MAST4: variants seen among roughly 807,000 people sequenced by gnomAD.
MAST4 encodes the protein microtubule associated serine/threonine kinase family member 4.
MAST4 carries 89 observed loss-of-function variants against 162.7 expected under a neutral mutation model. That is an observed-to-expected ratio of 0.55 (90% CI 0.46 to 0.65). The LOEUF is 0.65. Ranked by LOEUF, MAST4 falls within the 30% of genes least tolerant of loss-of-function variation. The probability of loss-of-function intolerance (pLI) is 0.00; values close to 1 mark genes in which losing one functional copy is unlikely to be tolerated. For missense variants in MAST4, 3,153 were observed against 3,374.0 expected, an observed-to-expected ratio of 0.93 and a Z score of 1.62; for synonymous variants, 1,479 against 1,361.1, an observed-to-expected ratio of 1.09 and a Z score of -1.91.
intron 3 of MAST4, among the ~76,000 whole-genome samples, chr5:66,853,157 G>T (rs1759438383): frequency 6.6e-6 from 1 of 152,210 alleles, no homozygotes; most frequent in Non-Finnish European, 1.5e-5. Context: ...TTCAAGTCAT[G>T]TTAGTTAAAG....
chr5:67,119,166 T>C (rs962042862), intron 13 of MAST4, among the ~76,000 whole-genome samples: 3 of 151,946 alleles, frequency 2.0e-5, no homozygotes, highest in Non-Finnish European at 4.4e-5. Flanking sequence ...CAATGGGAAA[T>C]GACTGAACTT....
intron 3 of MAST4, among the ~76,000 whole-genome samples, chr5:66,840,187 A>G (rs770744643): frequency 1.3e-5 from 2 of 152,140 alleles, no homozygotes; most frequent in African/African-American, 2.4e-5. Context: ...TTTAAAATGA[A>G]AATTTTTTAG....
chr5:67,088,282 A>G (rs1317758338), intron 5 of MAST4, among the ~76,000 whole-genome samples: 1 of 152,176 alleles, frequency 6.6e-6, no homozygotes, highest in Non-Finnish European at 1.5e-5. Context: ...GCCAGGTTTC[A>G]TTGGCCTTAT....
At chr5:66,685,735 T>C (rs1443184487) in intron 1 of MAST4, among the ~76,000 whole-genome samples, 1 of 152,150 alleles carries the variant, frequency 6.6e-6, no homozygotes, top group Non-Finnish European at 1.5e-5. Context: ...TGCTTTCTAC[T>C]AAAGTTTGCT....
chr5:66,619,768 T>A (rs1284341784), intron 1 of MAST4, among the ~76,000 whole-genome samples: 3 of 152,088 alleles, frequency 2.0e-5, no homozygotes, highest in Non-Finnish European at 4.4e-5. Flanking sequence ...TACTCATATA[T>A]CTGGAAATAA....
intron 3 of MAST4, among the ~76,000 whole-genome samples, chr5:66,845,387 C>T (rs894668854): frequency 2.9e-4 from 44 of 151,628 alleles, no homozygotes; most frequent in Admixed American, 5.9e-4. Context: ...TTTGTCCTTG[C>T]GATAGTTTGC....
At chr5:67,056,316 C>G (rs2150568394) in intron 5 of MAST4, among the ~76,000 whole-genome samples, 1 of 152,214 alleles carries the variant, frequency 6.6e-6, no homozygotes, top group South Asian at 2.1e-4. Flanking sequence ...TACAGAGGGT[C>G]AAACAGTGCC....
intron 26 of MAST4, among the ~76,000 whole-genome samples, chr5:67,154,619 C>T (rs1772262648): frequency 6.6e-6 from 1 of 152,202 alleles, no homozygotes; most frequent in Admixed American, 6.5e-5. Flanking sequence ...GAGCACCTTG[C>T]ACAACCCAAA....
intron 4 of MAST4, among the ~76,000 whole-genome samples, chr5:67,039,759 T>C (rs955677873): frequency 1.2e-4 from 18 of 152,178 alleles, no homozygotes; most frequent in African/African-American, 3.9e-4. Context: ...GAGGCCTCTT[T>C]CTACACACAG....
chr5:66,754,013 A>C (rs1394987329), intron 1 of MAST4, among the ~76,000 whole-genome samples: 2 of 151,846 alleles, frequency 1.3e-5, no homozygotes, highest in African/African-American at 4.8e-5. Context: ...AAATCAATAA[A>C]TGTAATCCAT....
intron 6 of MAST4, among the ~76,000 whole-genome samples, chr5:67,091,789 C>T (rs549556503): frequency 8.0e-4 from 122 of 152,048 alleles, no homozygotes; most frequent in African/African-American, 2.9e-3. Context: ...GGTTTCCATG[C>T]TATTAAAAAA....
intron 4 of MAST4, among the ~76,000 whole-genome samples, chr5:67,010,781 T>G (rs923903611): frequency 4.6e-5 from 7 of 151,808 alleles, no homozygotes; most frequent in African/African-American, 1.7e-4. Flanking sequence ...GAAGTGAAGG[T>G]GTGTGTTGCA....
At chr5:66,690,803 C>T (rs1226045951) in intron 1 of MAST4, among the ~76,000 whole-genome samples, 4 of 152,172 alleles carry the variant, frequency 2.6e-5, no homozygotes, top group Non-Finnish European at 4.4e-5. Flanking sequence ...AACCTCATTC[C>T]TGTTCTTCCG....
At chr5:67,089,984 C>T (rs1763648493) in intron 5 of MAST4, among the ~76,000 whole-genome samples, 178 bp from the exon 6 acceptor site, 1 of 152,044 alleles carries the variant, frequency 6.6e-6, no homozygotes, top group African/African-American at 2.4e-5. Context: ...GCTCCCCCAT[C>T]CCCATCTCCT....
At chr5:66,957,746 A>G (rs993624529) in intron 4 of MAST4, among the ~76,000 whole-genome samples, 56 of 152,218 alleles carry the variant, frequency 3.7e-4, no homozygotes, top group African/African-American at 1.2e-3. Context: ...ACCTTTGTGG[A>G]GTTAGAAACA....
Position 67,051,831 on chromosome 5 carries a change from A to G in MAST4, c.675-2573A>G, listed in dbSNP as rs80093347. Among the ~76,000 whole-genome samples the G allele has an allele frequency of 3.2e-3, 495 of 152,326 alleles. 2 individuals carry two copies. Among genetic ancestry groups the G allele is most frequent in the African/African-American group, 0.011 (477 of 41,564 alleles). ...GTATACAGATTTATTTCATGTACAT[A>G]TGGAAATATATCAGCCTATATTATA... is the stretch of plus-strand genomic sequence containing the variant. On this transcript the variant is annotated intron_variant, in intron 4 of 28. Transcript: ENST00000403625.
At chr5:66,777,099 T>A (rs959389310) in intron 2 of MAST4, among the ~76,000 whole-genome samples, 6 of 152,126 alleles carry the variant, frequency 3.9e-5, no homozygotes, top group Non-Finnish European at 8.8e-5. Flanking sequence ...CTCAGAGAGG[T>A]CAAGGTATTT....
At chr5:67,004,659 A>C in intron 4 of MAST4, 2 of 210,578 alleles carry the variant, frequency 9.5e-6, no homozygotes, top group Non-Finnish European at 9.8e-6. Context: ...TCCCACAGAC[A>C]GCGCTTTGAG....
In MAST4 at chr5:66,681,534, C is replaced by T. The variant is rs549027427; in HGVS notation, c.364-78175C>T. On this transcript the variant is annotated intron_variant, in intron 1 of 28. Coordinates refer to ENST00000403625, the MANE Select transcript of MAST4 (RefSeq NM_001164664.2). Reference sequence around the variant, plus strand: ...GCATTTGAAACAGACTTCCCAGGTCCCTGTCACCACACTGGTGTTTGAAAA... The same window carrying T: ...GCATTTGAAACAGACTTCCCAGGTCTCTGTCACCACACTGGTGTTTGAAAA... Among the ~76,000 whole-genome samples the T allele has an allele frequency of 5.4e-4, 82 of 152,346 alleles. 2 individuals carry two copies. Among genetic ancestry groups the T allele is most frequent in the African/African-American group, 1.8e-3 (76 of 41,592 alleles).
Sources: gnomAD v4.1 joint callset for allele counts (sites outside exome capture counted in the v4.1 genomes callset) on GRCh38, gnomAD v4.1.1 for gene constraint, MANE v1.5 for transcripts, NCBI Gene and HGNC (gene_info 2026-07-23, HGNC 2026-07-21) for gene names.